SLCO3A1: variants seen among roughly 807,000 people sequenced by gnomAD.
The protein encoded by SLCO3A1 is PGE1 transporter.
Under a neutral mutation model 63.1 loss-of-function variants are expected in SLCO3A1, and 27 were observed. The ratio of observed to expected loss-of-function variants is 0.43; its 90% confidence interval spans 0.32 to 0.59. The LOEUF is 0.59. Among genes scored for constraint, SLCO3A1 ranks in the 20% least tolerant of loss-of-function variants. The pLI, the probability that SLCO3A1 is intolerant of heterozygous loss-of-function variation, is 0.09. For missense variants in SLCO3A1, 773 were observed against 945.8 expected (o/e 0.82, Z 2.40); for synonymous variants, 473 against 409.9 (o/e 1.15, Z -1.86).
At chr15:92,129,808 C>T (rs1258588427) in intron 7 of SLCO3A1, among the ~76,000 whole-genome samples, 1 of 119,526 alleles carries the variant, frequency 8.4e-6, no homozygotes, top group African/African-American at 3.3e-5. Context: ...TTCATTTTTC[C>T]TTGTGTTTAG....
exon 11 of SLCO3A1, chr15:92,171,870 G>A (rs1567161007): frequency 1.9e-6 from 3 of 1,548,008 alleles, no homozygotes; most frequent in South Asian, 1.2e-5. Flanking sequence ...TGAGGGCCTG[G>A]CCCTCTTCCT....
At chr15:91,864,516 T>A (rs8025038) in intron 1 of SLCO3A1, among the ~76,000 whole-genome samples, 2 of 147,652 alleles carry the variant, frequency 1.4e-5, no homozygotes, top group Non-Finnish European at 3.0e-5. Flanking sequence ...TTTGTCTAAA[T>A]AGGCTTAATG....
chr15:92,160,438 G>A (rs1380330090), intron 9 of SLCO3A1, among the ~76,000 whole-genome samples: 1 of 152,120 alleles, frequency 6.6e-6, no homozygotes, highest in African/African-American at 2.4e-5. Flanking sequence ...CAGGGTTGGT[G>A]GGGAAGGGCT....
chr15:92,162,648 G>C (rs2048453747), intron 9 of SLCO3A1, 108 bp from the exon 10 acceptor site: 1 of 1,498,648 alleles, frequency 6.7e-7, no homozygotes, highest in Admixed American at 2.3e-5. Flanking sequence ...GAGCCACGGA[G>C]TCAGACATAT....
At chr15:92,117,861 G>A (rs1051397395) in intron 4 of SLCO3A1, among the ~76,000 whole-genome samples, 1 of 152,154 alleles carries the variant, frequency 6.6e-6, no homozygotes, top group African/African-American at 2.4e-5. Flanking sequence ...ATCTGTATTT[G>A]TTGAACAATC....
At chr15:91,907,867 C>T (rs1024921518) in intron 1 of SLCO3A1, among the ~76,000 whole-genome samples, 1 of 152,124 alleles carries the variant, frequency 6.6e-6, no homozygotes, top group Non-Finnish European at 1.5e-5. Flanking sequence ...GACTCTCACT[C>T]GCAGACTAGG....
At position 91,885,532 on chromosome 15, in the gene SLCO3A1, C is replaced by T. The variant is rs114825004; in HGVS notation, c.181-30461C>T. 2.5e-3 allele frequency among the ~76,000 whole-genome samples: 382 copies of T among 151,746 alleles called. No individual in the cohort carries two copies. Among genetic ancestry groups the T allele is most frequent in the African/African-American group, 8.6e-3 (357 of 41,566 alleles). On this transcript the variant is annotated intron_variant, in intron 1 of 9. Transcript: ENST00000318445. This position sits in a 1 kb window ranked among gnomAD's most constrained non-coding sequence, Gnocchi z 4.7. ...AAGGGAGCCCTTTGCTGCTGGGCAG[C>T]GGGGCCCAAGATCCTCACAGTCTTT...
intron 6 of SLCO3A1, 135 bp from the exon 7 acceptor site, chr15:92,128,216 G>A: frequency 1.9e-6 from 2 of 1,070,018 alleles, no homozygotes; most frequent in Non-Finnish European, 1.4e-6. Flanking sequence ...GAAAAGGGAA[G>A]GGAGAACCAG....
rs2046755864 is a variant in SLCO3A1, at chr15:92,038,571, A to T, written c.647-56310A>T. ...GGATGTGAAGGACCTCTTCAAGGGG[A>T]GCTACAAACCACTGCCCAAGAAAAT... On this transcript the variant is annotated intron_variant, in intron 2 of 9. Coordinates refer to ENST00000318445, the MANE Select transcript of SLCO3A1 (RefSeq NM_013272.4). Among the ~76,000 whole-genome samples, 3 of 152,280 alleles carry T rather than the reference A, an allele frequency of 2.0e-5. No homozygotes were observed. In the South Asian group the frequency reaches 6.2e-4, roughly 32 times the overall value.
chr15:91,910,180 G>C (rs1898440464), intron 1 of SLCO3A1, among the ~76,000 whole-genome samples: 3 of 152,118 alleles, frequency 2.0e-5, no homozygotes, highest in Admixed American at 2.0e-4. Flanking sequence ...ACTGATCTTT[G>C]CTCTTGGAAT....
In SLCO3A1 at chr15:92,163,613, C is replaced by G; in HGVS notation, c.*478C>G. ...GCCAGATTAAGCACTAGTGACACAC[C>G]CCGTGCCACCCTCTTCCTCCAGGTG... On this transcript the variant is annotated 3_prime_UTR_variant, in exon 10 of 10. Transcript: ENST00000318445. 1 of 985,178 alleles carries G rather than the reference C, an allele frequency of 1.0e-6. No homozygotes were observed. The highest frequency in any genetic ancestry group is 5.2e-4 in the Middle Eastern group (1 of 1,910). 61.0% of individuals were successfully genotyped at this position (985,178 alleles called of 1,614,324 possible).
At chr15:92,088,814 T>G (rs183137133) in intron 2 of SLCO3A1, among the ~76,000 whole-genome samples, 16 of 152,262 alleles carry the variant, frequency 1.1e-4, no homozygotes, top group Admixed American at 1.0e-3. Flanking sequence ...TAAAAGATCC[T>G]TGTGATAAGA....
intron 2 of SLCO3A1, among the ~76,000 whole-genome samples, chr15:92,013,749 G>T (rs2046395355): frequency 6.6e-6 from 1 of 152,194 alleles, no homozygotes; most frequent in Admixed American, 6.5e-5. Flanking sequence ...GCTGGCAGGG[G>T]ATGTTGAGGA....
chr15:91,992,115 T>G (rs2046133456), intron 2 of SLCO3A1, among the ~76,000 whole-genome samples: 1 of 148,304 alleles, frequency 6.7e-6, no homozygotes, highest in South Asian at 2.2e-4. Context: ...TAATCCATAC[T>G]TCAAGGTTAG....
rs542892055 is a variant in SLCO3A1 at position 91,883,196 on chromosome 15, C to T, written c.180+29108C>T. Among the ~76,000 whole-genome samples the T allele has an allele frequency of 2.0e-5, 3 of 152,304 alleles. No homozygotes were observed. Among genetic ancestry groups the T allele is most frequent in the African/African-American group, 7.2e-5 (3 of 41,580 alleles). ...AGTATCCCTCCTTCCCCTTTTTTAA[C>T]AGCGGGCAGTAAGTGGTCTGGGTTT... On this transcript the variant is annotated intron_variant, in intron 1 of 9. Coordinates refer to ENST00000318445, the MANE Select transcript of SLCO3A1 (RefSeq NM_013272.4). This position sits in a 1 kb window ranked among gnomAD's most constrained non-coding sequence, Gnocchi z 4.8.
chr15:91,888,246 T>C (rs1754938287), intron 1 of SLCO3A1, among the ~76,000 whole-genome samples: 1 of 152,128 alleles, frequency 6.6e-6, no homozygotes. Context: ...GTCTCAGAGA[T>C]GGGGTTGGCA....
chr15:92,100,747 G>A (rs2151542637), intron 3 of SLCO3A1, among the ~76,000 whole-genome samples: 1 of 152,320 alleles, frequency 6.6e-6, no homozygotes, highest in Admixed American at 6.5e-5. Context: ...GGTAGGCTAG[G>A]TTATGTTGCG....
chr15:91,915,212 G>C (rs185907787), intron 1 of SLCO3A1, among the ~76,000 whole-genome samples: 2 of 152,248 alleles, frequency 1.3e-5, no homozygotes, highest in East Asian at 3.9e-4. Flanking sequence ...CTTCAGGCCA[G>C]ATGTCCTCTC....
intron 2 of SLCO3A1, among the ~76,000 whole-genome samples, chr15:92,049,642 G>A (rs868008486): frequency 6.6e-6 from 1 of 152,108 alleles, no homozygotes; most frequent in Non-Finnish European, 1.5e-5. Flanking sequence ...CCCAGAAATC[G>A]ATCTTTACCA....
Sources: gnomAD v4.1 joint callset for allele counts (sites outside exome capture counted in the v4.1 genomes callset) on GRCh38, gnomAD v4.1.1 for gene constraint, Gnocchi (gnomAD v3.1) non-coding constraint, MANE v1.5 for transcripts, NCBI Gene and HGNC (gene_info 2026-07-23, HGNC 2026-07-21) for gene names.